The following GPD2 variants were observed in gnomAD, a reference collection of about 807,000 sequenced individuals.
GPD2 encodes glycerol-3-phosphate dehydrogenase 2.
In GPD2, 54 loss-of-function variants were observed where a neutral mutation model predicts 82.4. The observed-to-expected ratio is 0.66, with a 90% CI of 0.53 to 0.82. The LOEUF is 0.82. Ranked by LOEUF, GPD2 falls within the 40% of genes least tolerant of loss-of-function variation. GPD2 has a pLI of 0.00. For synonymous variants in GPD2, 288 were observed against 306.1 expected (o/e 0.94, Z 0.62); for missense variants, 748 against 896.2 (o/e 0.83, Z 2.11).
intron 1 of GPD2, among the ~76,000 whole-genome samples, chr2:156,448,724 T>C (rs1015481433): frequency 3.9e-5 from 6 of 152,150 alleles, no homozygotes; most frequent in African/African-American, 1.4e-4. Flanking sequence ...TTGACAGACA[T>C]CAGAAGGCAA....
chr2:156,404,686 C>CAAAA, the GPD2 span, among the ~76,000 whole-genome samples: 1,536 of 64,236 alleles, frequency 0.024, 28 homozygotes, highest in African/African-American at 0.051. Context: ...TTAAAAATAC[C>CAAAA]AAAAAAAAAA....
intron 6 of GPD2, among the ~76,000 whole-genome samples, chr2:156,528,472 T>C (rs1461184139): frequency 6.6e-6 from 1 of 151,822 alleles, no homozygotes; most frequent in Non-Finnish European, 1.5e-5. Context: ...AGTTTTAGGG[T>C]ACATGTGCAC....
At chr2:156,565,461 C>CT (rs1312339063) in intron 9 of GPD2, among the ~76,000 whole-genome samples, 1 of 152,088 alleles carries the variant, frequency 6.6e-6, no homozygotes, top group Non-Finnish European at 1.5e-5. Context: ...CAGATTAAAT[C>CT]TATTTAAGAG....
intron 2 of GPD2, among the ~76,000 whole-genome samples, chr2:156,489,837 C>G (rs1441587857): frequency 7.1e-4 from 1 of 1,406 alleles, no homozygotes. Context: ...GTTTCCTCCC[C>G]TCCCCTCCCT....
chr2:156,562,748 T>C lies in GPD2; in HGVS notation c.1165+5166T>C, dbSNP rs58443148. Among the ~76,000 whole-genome samples the C allele has an allele frequency of 1.4e-3, 213 of 152,362 alleles. 1 individual carries two copies. The highest frequency in any genetic ancestry group is 4.6e-3 in the African/African-American group (192 of 41,592). ...ATTATAGTTTGAAATAATCACATCA[T>C]ACTTAATTTTTTCAATTAGCCGTGA... On this transcript the variant is annotated intron_variant, in intron 9 of 16. Coordinates refer to ENST00000438166, the MANE Select transcript of GPD2 (RefSeq NM_000408.5).
intron 6 of GPD2, among the ~76,000 whole-genome samples, chr2:156,533,005 G>A (rs572629807): frequency 1.5e-4 from 23 of 152,314 alleles, no homozygotes; most frequent in African/African-American, 4.8e-4. Context: ...CTGAGGGGTG[G>A]TCAGGGATGG....
chr2:156,484,187 T>C (rs1283905823), intron 2 of GPD2, among the ~76,000 whole-genome samples: 2 of 152,004 alleles, frequency 1.3e-5, no homozygotes, highest in Non-Finnish European at 2.9e-5. Context: ...CAGGCTGGAG[T>C]GCAGTGGCGG....
At position 156,501,436 on chromosome 2, in the gene GPD2, C is replaced by T. The variant is rs79486994; in HGVS notation, c.274+5221C>T. 4.1e-3 allele frequency among the ~76,000 whole-genome samples: 631 copies of T among 152,186 alleles called. 5 individuals are homozygous for T. Among genetic ancestry groups the T allele is most frequent in the Non-Finnish European group, 4.6e-3 (315 of 67,996 alleles). On this transcript the variant is annotated intron_variant, in intron 3 of 16. Transcript: ENST00000438166. ...CATTGCTTACTACCTCTGTGACCTT[C>T]GACAAGTGGCTTAACCTTACAGAGA...
chr2:156,509,563 T>C (rs921442084), intron 3 of GPD2, among the ~76,000 whole-genome samples: 8 of 152,040 alleles, frequency 5.3e-5, no homozygotes, highest in African/African-American at 1.9e-4. Context: ...TTTTGGCGTA[T>C]TGGCTTTCAT....
intron 1 of GPD2, among the ~76,000 whole-genome samples, chr2:156,467,500 G>C (rs545431720): frequency 8.6e-4 from 131 of 152,254 alleles, no homozygotes; most frequent in African/African-American, 3.1e-3. Context: ...TTGATATCCT[G>C]TTCAGTGTAT....
In GPD2 at chr2:156,538,591, TG is replaced by T. The variant is rs1299553740; in HGVS notation, c.662-11014del. Among the ~76,000 whole-genome samples the T allele has an allele frequency of 2.0e-5, 3 of 151,250 alleles. No homozygotes were observed. In the East Asian group the frequency reaches 5.8e-4, roughly 29 times the overall value. On this transcript the variant is annotated intron_variant, in intron 6 of 16. Coordinates refer to ENST00000438166, the MANE Select transcript of GPD2 (RefSeq NM_000408.5). ...ATCCCAGCACTTTGGGAGGCCAAGG[TG>T]GGTGGATCACGAGGTCAGGAGATTG...
chr2:156,410,617 C>T, the GPD2 span, among the ~76,000 whole-genome samples: 1 of 152,150 alleles, frequency 6.6e-6, no homozygotes, highest in African/African-American at 2.4e-5. Flanking sequence ...GCAACCCTCC[C>T]GTCTCACCTA....
intron 5 of GPD2, among the ~76,000 whole-genome samples, chr2:156,512,710 G>C (rs297599): frequency 0.7 from 106,359 of 152,024 alleles, 37,356 homozygotes; most frequent in Middle Eastern, 0.82. Context: ...GAAACCCAAG[G>C]CATTTTGAGT....
intron 16 of GPD2, among the ~76,000 whole-genome samples, chr2:156,582,459 T>C (rs1688058414): frequency 6.9e-6 from 1 of 144,578 alleles, no homozygotes; most frequent in South Asian, 2.2e-4. Flanking sequence ...TTAAATGGAA[T>C]TAAAGATCCA....
At chr2:156,426,026 C>T in the GPD2 span, among the ~76,000 whole-genome samples, 2 of 151,902 alleles carry the variant, frequency 1.3e-5, no homozygotes, top group Admixed American at 6.6e-5. Context: ...CGGTTCACGC[C>T]ATTCTCCTGC....
chr2:156,575,634 G>A lies in GPD2; in HGVS notation c.1768-3255G>A, dbSNP rs565189717. Among the ~76,000 whole-genome samples the A allele has an allele frequency of 4.6e-5, 7 of 151,714 alleles. No homozygotes were observed. The South Asian group carries it at 8.3e-4, about 18-fold the overall frequency. On this transcript the variant is annotated intron_variant, in intron 13 of 16. Transcript: ENST00000438166. ...CTGTCCGGGCTGGTCTCAAACTCCC[G>A]GGCTCATGCGATCCACCTGCCTCAG... is the stretch of plus-strand genomic sequence containing the variant.
chr2:156,459,217 G>T (rs925153299), intron 1 of GPD2, among the ~76,000 whole-genome samples: 2 of 152,068 alleles, frequency 1.3e-5, no homozygotes, highest in Admixed American at 6.6e-5. Flanking sequence ...TCTTTATTAT[G>T]ATTCTTTTCA....
chr2:156,567,837 C>T (rs1186562312), intron 9 of GPD2, among the ~76,000 whole-genome samples: 2 of 152,128 alleles, frequency 1.3e-5, no homozygotes, highest in Non-Finnish European at 2.9e-5. Flanking sequence ...TGCTGTTCAA[C>T]AGCTGTCTAA....
rs567075292 is a variant in GPD2, at chr2:156,569,945, A to G, written c.1477-142A>G. ...CGAAGCCCAAGTGGTTTCCTTCCAC[A>G]AAATCAAAATATAATACTCTCCGAG... is the stretch of plus-strand genomic sequence containing the variant. On this transcript the variant is annotated intron_variant, in intron 11 of 16. Transcript: ENST00000438166. The G allele has an allele frequency of 4.5e-5, 33 of 740,434 alleles. No individual in the cohort carries two copies. In the African/African-American group the frequency reaches 5.1e-4, roughly 11 times the overall value. The allele number at this position is 740,434 out of a possible 1,614,324, so 45.9% of individuals were successfully genotyped here.
Sources: gnomAD v4.1 joint callset for allele counts (sites outside exome capture counted in the v4.1 genomes callset) on GRCh38, gnomAD v4.1.1 for gene constraint, MANE v1.5 for transcripts, NCBI Gene and HGNC (gene_info 2026-07-23, HGNC 2026-07-21) for gene names.